NRXN3: variants seen among roughly 807,000 people sequenced by gnomAD.
NRXN3 encodes neurexin 3.
In NRXN3, 32 loss-of-function variants were observed where a neutral mutation model predicts 137.6. That is an observed-to-expected ratio of 0.23 (90% CI 0.18 to 0.31). The LOEUF (loss-of-function observed/expected upper bound fraction) is 0.31, where lower values mean the gene tolerates loss of function less well. Ranked by LOEUF, NRXN3 falls within the 10% of genes least tolerant of loss-of-function variation. The probability of loss-of-function intolerance (pLI) is 1.00; values close to 1 mark genes in which losing one functional copy is unlikely to be tolerated. For missense variants in NRXN3, 1,574 were observed against 2,062.5 expected (o/e 0.76, Z 4.59); for synonymous variants, 798 against 784.5 (o/e 1.02, Z -0.29).
At chr14:79,109,840 C>G (rs1366777294) in intron 15 of NRXN3, among the ~76,000 whole-genome samples, 2 of 152,014 alleles carry the variant, frequency 1.3e-5, no homozygotes, top group Admixed American at 1.3e-4. Flanking sequence ...GCCTACCTTC[C>G]CAGTACCTAC....
intron 4 of NRXN3, among the ~76,000 whole-genome samples, chr14:78,472,214 T>C (rs936907389): frequency 2.0e-5 from 3 of 152,170 alleles, no homozygotes; most frequent in Middle Eastern, 3.2e-3. Flanking sequence ...TGCCTCTTTC[T>C]TGGTCACTGT....
At chr14:79,104,912 A>G (rs1325094039) in intron 15 of NRXN3, among the ~76,000 whole-genome samples, 2 of 151,228 alleles carry the variant, frequency 1.3e-5, no homozygotes, top group African/African-American at 2.4e-5. Context: ...TGAGGAATTT[A>G]CTCATCAAGA....
chr14:78,340,295 T>A lies in NRXN3; in HGVS notation c.757+42435T>A, dbSNP rs183666578. 3.3e-3 allele frequency among the ~76,000 whole-genome samples: 503 copies of A among 152,344 alleles called. 2 individuals are homozygous for A. Among genetic ancestry groups the A allele is most frequent in the African/African-American group, 0.012 (487 of 41,582 alleles). ...GCCCTTGTTAGGCCATCTCCGAAGA[T>A]GTATGTTTCCTTTACCAGGTGTAGC... On this transcript the variant is annotated intron_variant, in intron 4 of 20. Transcript: ENST00000335750.
intron 1 of NRXN3, among the ~76,000 whole-genome samples, chr14:78,241,354 C>A (rs964154417): frequency 6.6e-6 from 1 of 152,124 alleles, no homozygotes; most frequent in Non-Finnish European, 1.5e-5. Context: ...ATGTGGCCAG[C>A]AGCTGTGGCT....
intron 4 of NRXN3, among the ~76,000 whole-genome samples, chr14:78,338,374 A>G (rs980731494): frequency 6.6e-6 from 1 of 152,204 alleles, no homozygotes; most frequent in African/African-American, 2.4e-5. Context: ...AGAAATTCCT[A>G]TTGAACAGAG....
At chr14:78,446,699 T>C (rs1477021661) in intron 4 of NRXN3, among the ~76,000 whole-genome samples, 1 of 152,232 alleles carries the variant, frequency 6.6e-6, no homozygotes, top group African/African-American at 2.4e-5. Context: ...AGGATAAATA[T>C]TGCTGATCAT....
chr14:79,404,951 G>T (rs184724046), intron 15 of NRXN3, among the ~76,000 whole-genome samples: 6 of 152,240 alleles, frequency 3.9e-5, no homozygotes, highest in Non-Finnish European at 8.8e-5. Context: ...CCAGTGGGTG[G>T]TGGTGAGAGA....
In NRXN3 at chr14:79,115,015, G is replaced by A. The variant is rs777815441; in HGVS notation, c.3262+126874G>A. ...ATAAATATAAGCTTAATGAGCCACC[G>A]GCATCTTAAGTTTAAGATGCGCAAA... On this transcript the variant is annotated intron_variant, in intron 15 of 20. Coordinates refer to ENST00000335750, the MANE Select transcript of NRXN3 (RefSeq NM_001330195.2). Among the ~76,000 whole-genome samples the A allele has an allele frequency of 7.9e-5, 12 of 152,012 alleles. 1 individual carries two copies. In the South Asian group the frequency reaches 1.2e-3, roughly 16 times the overall value.
At chr14:79,699,939 G>A (rs2098748804) in intron 19 of NRXN3, among the ~76,000 whole-genome samples, 1 of 152,026 alleles carries the variant, frequency 6.6e-6, no homozygotes, top group Admixed American at 6.6e-5. Context: ...AGACTGCGAT[G>A]AGGGATTTTA....
intron 1 of NRXN3, among the ~76,000 whole-genome samples, chr14:78,203,803 GGTGTGTGTGTGTGTGTGTGT>G (rs3059003): frequency 7.5e-6 from 1 of 133,946 alleles, no homozygotes; most frequent in Non-Finnish European, 1.6e-5. Context: ...GATCCTTCCA[GGTGTGTGTGTGTGTGTGTGT>G]GTGTGTGTGT....
At chr14:78,991,604 A>T (rs2099519057) in intron 15 of NRXN3, among the ~76,000 whole-genome samples, 1 of 152,222 alleles carries the variant, frequency 6.6e-6, no homozygotes, top group East Asian at 1.9e-4. Context: ...AAACTTACTC[A>T]ACAGGGAAAT....
At chr14:79,428,888 A>ATT (rs2095699740) in intron 15 of NRXN3, among the ~76,000 whole-genome samples, 2 of 152,352 alleles carry the variant, frequency 1.3e-5, no homozygotes, top group South Asian at 4.1e-4. Flanking sequence ...GTGGGCAGAT[A>ATT]TGTTCTTGAA....
At position 79,684,394 on chromosome 14, in the gene NRXN3, C is replaced by T. The variant is rs1056462232; in HGVS notation, c.3617-7779C>T. 2.0e-5 allele frequency among the ~76,000 whole-genome samples: 3 copies of T among 152,120 alleles called. No homozygotes were observed. The South Asian group carries it at 6.2e-4, about 31-fold the overall frequency. ...TTGCAAATCAGTATACTAGTCAGGC[C>T]TCCTGTGGGTGGTGACTAGAACAGT... On this transcript the variant is annotated intron_variant, in intron 17 of 20. Transcript: ENST00000335750.
chr14:78,615,309 T>C (rs553774206), intron 4 of NRXN3, among the ~76,000 whole-genome samples: 14 of 152,158 alleles, frequency 9.2e-5, no homozygotes, highest in Admixed American at 7.2e-4. Context: ...CAGTTAAAAC[T>C]AAGATCCAGG....
At chr14:79,507,086 A>G (rs752342513) in intron 16 of NRXN3, among the ~76,000 whole-genome samples, 11 of 152,206 alleles carry the variant, frequency 7.2e-5, no homozygotes, top group Non-Finnish European at 2.9e-5. Context: ...AAAAAGGAAA[A>G]CCAAATTCTG....
chr14:78,454,558 C>T (rs953844938), intron 4 of NRXN3, among the ~76,000 whole-genome samples: 3 of 152,204 alleles, frequency 2.0e-5, no homozygotes, highest in Non-Finnish European at 4.4e-5. Context: ...GCTGTCTCTC[C>T]TGAGAGGTAG....
At chr14:78,224,370 A>G (rs938986370) in intron 1 of NRXN3, among the ~76,000 whole-genome samples, 3 of 152,018 alleles carry the variant, frequency 2.0e-5, no homozygotes, top group Non-Finnish European at 4.4e-5. Context: ...GGTGTGCTGC[A>G]CCCATTAACG....
chr14:79,585,516 C>T (rs1684680128), intron 16 of NRXN3, among the ~76,000 whole-genome samples: 1 of 151,908 alleles, frequency 6.6e-6, no homozygotes, highest in Admixed American at 6.6e-5. Flanking sequence ...GAAACCCCAT[C>T]TCTACTAAAA....
chr14:79,235,623 A>C (rs888234385), intron 15 of NRXN3, among the ~76,000 whole-genome samples: 6 of 152,186 alleles, frequency 3.9e-5, no homozygotes, highest in Admixed American at 2.0e-4. Flanking sequence ...GGACATTGTC[A>C]ACACAGATTG....
Sources: gnomAD v4.1 joint callset for allele counts (sites outside exome capture counted in the v4.1 genomes callset) on GRCh38, gnomAD v4.1.1 for gene constraint, MANE v1.5 for transcripts, NCBI Gene and HGNC (gene_info 2026-07-23, HGNC 2026-07-21) for gene names.